Variants in DYNC2I2 observed in about 807,000 individuals in gnomAD.
DYNC2I2 encodes the protein dynein 2 intermediate chain 2.
Under a neutral mutation model 52.0 loss-of-function variants are expected in DYNC2I2, and 39 were observed. The ratio of observed to expected loss-of-function variants is 0.75; its 90% CI spans 0.58 to 0.98. The LOEUF (loss-of-function observed/expected upper bound fraction) is 0.98. Among genes scored for constraint, DYNC2I2 ranks in the 50% least tolerant of loss-of-function variants. DYNC2I2 has a pLI of 0.00. For missense variants in DYNC2I2, 743 were observed against 728.4 expected, an observed-to-expected ratio of 1.02 and a Z score of -0.23; for synonymous variants, 359 against 321.1, an observed-to-expected ratio of 1.12 and a Z score of -1.26.
At chr9:128,672,426 TC>T in the DYNC2I2 span, among the ~76,000 whole-genome samples, 1 of 150,650 alleles carries the variant, frequency 6.6e-6, no homozygotes, top group Non-Finnish European at 1.5e-5. Context: ...ACTCCTGACC[TC>T]AGGTGATGTG....
chr9:128,679,416 C>T, the DYNC2I2 span, among the ~76,000 whole-genome samples: 1 of 152,088 alleles, frequency 6.6e-6, no homozygotes, highest in African/African-American at 2.4e-5. Context: ...AGCTTTTTAT[C>T]AGTATTGAGG....
At chr9:128,644,043 A>G (rs1322981610) in intron 1 of DYNC2I2, among the ~76,000 whole-genome samples, 1 of 152,190 alleles carries the variant, frequency 6.6e-6, no homozygotes, top group Non-Finnish European at 1.5e-5. Flanking sequence ...CAAGGGGACT[A>G]AGGCAGAATC....
chr9:128,675,017 C>T, the DYNC2I2 span, among the ~76,000 whole-genome samples: 1 of 152,086 alleles, frequency 6.6e-6, no homozygotes, highest in Non-Finnish European at 1.5e-5. Flanking sequence ...TCTCAGAGAC[C>T]AGCCTTGCTT....
intron 1 of DYNC2I2, among the ~76,000 whole-genome samples, chr9:128,646,997 T>C (rs1196074060): frequency 6.6e-6 from 1 of 152,018 alleles, no homozygotes; most frequent in Non-Finnish European, 1.5e-5. Context: ...TGGTGGAGCG[T>C]GCCTGTAATC....
the DYNC2I2 span, among the ~76,000 whole-genome samples, chr9:128,681,046 T>C: frequency 1.3e-5 from 2 of 152,248 alleles, no homozygotes; most frequent in African/African-American, 4.8e-5. Context: ...TCACTCAACA[T>C]TATATTTGTA....
chr9:128,667,373 T>A, the DYNC2I2 span, among the ~76,000 whole-genome samples: 8 of 151,984 alleles, frequency 5.3e-5, no homozygotes, highest in East Asian at 1.5e-3. Context: ...TCGCCCAGGA[T>A]GGTGTGCAGT....
the DYNC2I2 span, among the ~76,000 whole-genome samples, chr9:128,671,976 T>C: frequency 7.2e-6 from 1 of 138,978 alleles, no homozygotes; most frequent in East Asian, 2.2e-4. Context: ...TTTATTTATT[T>C]ATTTATTTAT....
chr9:128,635,840 C>A, intron 4 of DYNC2I2, 73 bp from the exon 5 acceptor site: 1 of 1,425,952 alleles, frequency 7.0e-7, no homozygotes, highest in Non-Finnish European at 9.7e-7. Context: ...ACACCCGCCC[C>A]AGCCCACCTA....
intron 2 of DYNC2I2, among the ~76,000 whole-genome samples, chr9:128,640,214 G>C (rs1241062307): frequency 1.3e-5 from 2 of 151,100 alleles, no homozygotes; most frequent in Non-Finnish European, 2.9e-5. Context: ...GTTTCACCGT[G>C]TTAGCCAGGA....
chr9:128,664,461 T>C, the DYNC2I2 span, among the ~76,000 whole-genome samples: 1 of 152,110 alleles, frequency 6.6e-6, no homozygotes. Flanking sequence ...GCAATTGTTC[T>C]AAATATGTCA....
At position 128,634,279 on chromosome 9, in the gene DYNC2I2, GCAAA is replaced by G. The variant is rs760226714; in HGVS notation, c.1315_1318del (p.Phe439LeufsTer36). ...GGGCCGCACTGGGGACCAGCGCACA[GCAAA>G]CAGATACTTGAGGGAGAGCTGCAGC... On this transcript the variant is annotated frameshift_variant, in exon 8 of 9. Coordinates refer to ENST00000372715, the MANE Select transcript of DYNC2I2 (RefSeq NM_052844.4). LOFTEE classifies it high-confidence loss of function. 4.3e-6 allele frequency: 7 copies of G among 1,613,914 alleles called. No individual in the cohort carries two copies. The highest frequency in any genetic ancestry group is 1.1e-5 in the South Asian group (1 of 91,084).
At chr9:128,638,593 CCACAGCCACACCCCGCG>C (rs1247170519) in intron 2 of DYNC2I2, among the ~76,000 whole-genome samples, 1 of 152,136 alleles carries the variant, frequency 6.6e-6, no homozygotes, top group East Asian at 1.9e-4. Context: ...ACAAAGAGCT[CCACAGCCACACCCCGCG>C]CACTGCTGCA....
the DYNC2I2 span, among the ~76,000 whole-genome samples, chr9:128,675,280 C>T: frequency 2.0e-5 from 3 of 152,136 alleles, no homozygotes; most frequent in East Asian, 1.9e-4. Flanking sequence ...TGGGTTCCAG[C>T]GATTCTCCTG....
the DYNC2I2 span, among the ~76,000 whole-genome samples, chr9:128,682,215 A>AT: frequency 6.6e-6 from 1 of 151,684 alleles, no homozygotes; most frequent in Admixed American, 6.6e-5. Flanking sequence ...CGCCCGGCTA[A>AT]TTTTTTGTAT....
the DYNC2I2 span, among the ~76,000 whole-genome samples, chr9:128,668,277 T>C: frequency 7.2e-6 from 1 of 139,140 alleles, no homozygotes; most frequent in Non-Finnish European, 1.7e-5. Context: ...TCTCTTGACC[T>C]TGTAATCTGC....
At chr9:128,644,647 G>A (rs933879441) in intron 1 of DYNC2I2, among the ~76,000 whole-genome samples, 3 of 152,006 alleles carry the variant, frequency 2.0e-5, no homozygotes, top group African/African-American at 4.8e-5. Context: ...GTGCCCTCCC[G>A]AACACGTGCG....
At chr9:128,676,555 G>A in the DYNC2I2 span, among the ~76,000 whole-genome samples, 2 of 150,418 alleles carry the variant, frequency 1.3e-5, no homozygotes, top group Admixed American at 6.6e-5. Context: ...TTTTTGAGGC[G>A]GAGTCTTGCT....
At chr9:128,679,644 T>C in the DYNC2I2 span, among the ~76,000 whole-genome samples, 5 of 149,796 alleles carry the variant, frequency 3.3e-5, no homozygotes, top group African/African-American at 1.2e-4. Context: ...TTGTTTTTTG[T>C]TTTTTTTTGT....
At chr9:128,669,596 T>C in the DYNC2I2 span, among the ~76,000 whole-genome samples, 2 of 152,042 alleles carry the variant, frequency 1.3e-5, no homozygotes, top group African/African-American at 2.4e-5. Context: ...ACCTGGGAGG[T>C]TGAGGTAGGA....
Sources: gnomAD v4.1 joint callset for allele counts (sites outside exome capture counted in the v4.1 genomes callset) on GRCh38, gnomAD v4.1.1 for gene constraint, MANE v1.5 for transcripts, NCBI Gene and HGNC (gene_info 2026-07-23, HGNC 2026-07-21) for gene names.